Variants in PDPR observed in about 807,000 individuals in gnomAD.
PDPR encodes the protein pyruvate dehydrogenase phosphatase regulatory subunit, mitochondrial.
Under a neutral mutation model 102.2 loss-of-function variants are expected in PDPR, and 50 were observed. The ratio of observed to expected loss-of-function variants is 0.49; its 90% CI spans 0.39 to 0.62. The LOEUF (loss-of-function observed/expected upper bound fraction) is 0.62. Ranked by LOEUF, PDPR falls within the 20% of genes least tolerant of loss-of-function variation. The pLI is 0.00. For synonymous variants in PDPR, 259 were observed against 406.0 expected (o/e 0.64, Z 4.35); for missense variants, 625 against 1,098.2 (o/e 0.57, Z 6.09).
At chr16:70,134,334 T>C (rs1159734102) in intron 9 of PDPR, among the ~76,000 whole-genome samples, 1 of 152,122 alleles carries the variant, frequency 6.6e-6, no homozygotes, top group East Asian at 1.9e-4. Flanking sequence ...CAAGCAATTC[T>C]CCTGCCTCAG....
At position 70,117,163 on chromosome 16, in the gene PDPR, T is replaced by G. The variant is rs549723324; in HGVS notation, c.-33+2233T>G. On this transcript the variant is annotated intron_variant, in intron 2 of 18. Coordinates refer to ENST00000288050, the MANE Select transcript of PDPR (RefSeq NM_017990.5). ...ACCTCATAAGGTTGTGAGGATTAAATTAGTTATATATATAGGCAGTATCTG... is the reference window on the plus strand; with the variant it reads ...ACCTCATAAGGTTGTGAGGATTAAAGTAGTTATATATATAGGCAGTATCTG... 6.8e-5 allele frequency among the ~76,000 whole-genome samples: 10 copies of G among 146,346 alleles called. No individual in the cohort carries two copies. In the South Asian group the frequency reaches 1.9e-3, roughly 28 times the overall value.
Position 70,153,588 on chromosome 16 carries a change from CAGACTCCACTTTCACTCAGCATCCCGAGT to C in PDPR, c.2235+18_2235+46del. On this transcript the variant is annotated intron_variant, in intron 18 of 18. Coordinates refer to ENST00000288050, the MANE Select transcript of PDPR (RefSeq NM_017990.5). Reference sequence around the variant, plus strand: ...AATTAGAGAAGGTACTGTGTTTACCCAGACTCCACTTTCACTCAGCATCCCGAGTAGTGAATCTGCACTAGACTAGGAAG... The same window carrying C: ...AATTAGAGAAGGTACTGTGTTTACCCAGTGAATCTGCACTAGACTAGGAAG... The C allele has an allele frequency of 6.3e-7, 1 of 1,583,816 alleles. No homozygotes were observed. The highest frequency in any genetic ancestry group is 8.6e-7 in the Non-Finnish European group (1 of 1,165,836).
At chr16:70,120,987 G>A (rs1399328854) in intron 3 of PDPR, among the ~76,000 whole-genome samples, 30 of 118,866 alleles carry the variant, frequency 2.5e-4, no homozygotes, top group African/African-American at 9.4e-4. Context: ...ACAGGATCTC[G>A]CTTTCTTACC....
intron 3 of PDPR, among the ~76,000 whole-genome samples, chr16:70,121,490 TAGACC>T (rs1222458590): frequency 7.1e-6 from 1 of 140,648 alleles, no homozygotes; most frequent in Non-Finnish European, 1.6e-5. Context: ...TCAGGAGTTC[TAGACC>T]AGCCTGGCCA....
intron 18 of PDPR, among the ~76,000 whole-genome samples, chr16:70,154,849 G>A (rs1410358340): frequency 6.6e-6 from 1 of 152,240 alleles, no homozygotes; most frequent in Non-Finnish European, 1.5e-5. Flanking sequence ...ACATTGGCCA[G>A]GGTGGTCTCG....
chr16:70,124,271 G>A (rs1409705864), intron 3 of PDPR, among the ~76,000 whole-genome samples: 1 of 152,228 alleles, frequency 6.6e-6, no homozygotes, highest in Non-Finnish European at 1.5e-5. Context: ...GCTGAGGCAG[G>A]AGAATTGCTT....
chr16:70,130,124 C>T (rs1964388189), intron 6 of PDPR, among the ~76,000 whole-genome samples: 2 of 152,240 alleles, frequency 1.3e-5, no homozygotes, highest in Admixed American at 1.3e-4. Context: ...AAAACCCCAT[C>T]TCTATTAAAA....
Position 70,120,706 on chromosome 16 carries a change from T to C in PDPR, c.214T>C (p.Leu72=), listed in dbSNP as rs763405101. The change falls in exon 3 of 19, where the codon TTG becomes CTG. Residue 72 remains leucine (L), a synonymous_variant. Coordinates refer to ENST00000288050, the MANE Select transcript of PDPR (RefSeq NM_017990.5). ...AATGGGGTGGAAGGATATTGTCCTTTTGGAGCAGGGCAGGTAAGGATCAGA... is the reference window on the plus strand; with the variant it reads ...AATGGGGTGGAAGGATATTGTCCTTCTGGAGCAGGGCAGGTAAGGATCAGA... The part of the protein sequence containing the change: ...SKMGWKDIVL[L]EQGRLAAGST... 2 of 1,611,040 alleles carry C rather than the reference T, an allele frequency of 1.2e-6. No homozygotes were observed. The highest frequency in any genetic ancestry group is 2.7e-5 in the African/African-American group (2 of 74,876).
intron 9 of PDPR, among the ~76,000 whole-genome samples, chr16:70,132,658 T>TC (rs759371474): frequency 2.6e-5 from 4 of 151,042 alleles, no homozygotes; most frequent in African/African-American, 7.3e-5. Context: ...TTTTTTTTTT[T>TC]CTTCTTTTTG....
chr16:70,130,620 A>C, intron 7 of PDPR, 76 bp downstream of exon 7: 3 of 1,574,526 alleles, frequency 1.9e-6, no homozygotes, highest in Non-Finnish European at 2.6e-6. Flanking sequence ...AAGTAAGATT[A>C]GTATTGTGAT....
At chr16:70,122,266 C>T (rs865963153) in intron 3 of PDPR, among the ~76,000 whole-genome samples, 23 of 152,374 alleles carry the variant, frequency 1.5e-4, no homozygotes, top group African/African-American at 4.8e-4. Context: ...GGATTACAGG[C>T]GCGAGCCACC....
Position 70,156,528 on chromosome 16 carries a change from G to A in PDPR, c.2289G>A (p.Val763=), listed in dbSNP as rs1410929561. Reference sequence around the variant, plus strand: ...TCCTGCAGCAGAAGCAGAATGGAGTGTATAAACGCCTCACCATGTTCATCC... The same window carrying A: ...TCCTGCAGCAGAAGCAGAATGGAGTATATAAACGCCTCACCATGTTCATCC... ...DALLQQKQNG[V]YKRLTMFILD... Residue 763 remains valine (V), a synonymous_variant, in exon 19 of 19, where the codon GTG becomes GTA. Transcript: ENST00000288050. 1 of 1,614,094 alleles carries A rather than the reference G, an allele frequency of 6.2e-7. No individual in the cohort carries two copies. Among genetic ancestry groups the A allele is most frequent in the Non-Finnish European group, 8.5e-7 (1 of 1,179,904 alleles).
At chr16:70,123,609 T>G (rs1206980888) in intron 3 of PDPR, among the ~76,000 whole-genome samples, 1 of 152,276 alleles carries the variant, frequency 6.6e-6, no homozygotes, top group Non-Finnish European at 1.5e-5. Context: ...TTATCAGGTA[T>G]TTCCACAAAA....
At position 70,128,418 on chromosome 16, in the gene PDPR, G is replaced by A. The variant is rs569656484; in HGVS notation, c.362-366G>A. ...AATTTTTATATTTTTAGTAGAGACA[G>A]GGTTTCACCATGCTGGCCAGGCTGG... On this transcript the variant is annotated intron_variant, in intron 4 of 18. Coordinates refer to ENST00000288050, the MANE Select transcript of PDPR (RefSeq NM_017990.5). Among the ~76,000 whole-genome samples the A allele has an allele frequency of 2.6e-5, 4 of 152,354 alleles. No individual in the cohort carries two copies. In the East Asian group the frequency reaches 7.7e-4, roughly 29 times the overall value.
intron 17 of PDPR, among the ~76,000 whole-genome samples, chr16:70,152,187 A>T (rs1966788914): frequency 6.6e-6 from 1 of 152,276 alleles, no homozygotes; most frequent in South Asian, 2.1e-4. Flanking sequence ...ACCACAGGCG[A>T]GTGTTGCATG....
In PDPR at chr16:70,157,325, T is replaced by G; in HGVS notation, c.*446T>G. Reference sequence around the variant, plus strand: ...TTAGTTCTGGTGGGGTTGCCGTGTGTCGGATGCAGCCCTGAGGGGCAGCTC... The same window carrying G: ...TTAGTTCTGGTGGGGTTGCCGTGTGGCGGATGCAGCCCTGAGGGGCAGCTC... On this transcript the variant is annotated 3_prime_UTR_variant, in exon 19 of 19. Coordinates refer to ENST00000288050, the MANE Select transcript of PDPR (RefSeq NM_017990.5). The G allele has an allele frequency of 2.5e-6, 1 of 401,496 alleles. No individual in the cohort carries two copies. The highest frequency in any genetic ancestry group is 2.9e-5 in the Admixed American group (1 of 34,066). The allele number at this position is 401,496 out of a possible 1,614,324, so 24.9% of individuals were successfully genotyped here.
rs987749456 is a variant in PDPR, at chr16:70,158,954, C to G, written c.*2075C>G. 22 of 152,474 alleles carry G rather than the reference C, an allele frequency of 1.4e-4. No homozygotes were observed. Among genetic ancestry groups the G allele is most frequent in the African/African-American group, 3.8e-4 (16 of 41,604 alleles). The allele number at this position is 152,474 out of a possible 1,614,324, so 9.4% of individuals were successfully genotyped here. A position where few individuals can be genotyped will look rare whatever the true frequency, so the allele number is the denominator to read the frequency against. On this transcript the variant is annotated 3_prime_UTR_variant, in exon 19 of 19. Transcript: ENST00000288050. ...AATTTAGTTACACATAGACATAACTCTTCAACCTTAACTATGGCAATACAT... is the reference window on the plus strand; with the variant it reads ...AATTTAGTTACACATAGACATAACTGTTCAACCTTAACTATGGCAATACAT...
chr16:70,123,165 G>A (rs1963525044), intron 3 of PDPR, among the ~76,000 whole-genome samples: 1 of 152,244 alleles, frequency 6.6e-6, no homozygotes, highest in Non-Finnish European at 1.5e-5. Flanking sequence ...GCCTCCCAAA[G>A]TGCTGGGATT....
intron 6 of PDPR, 110 bp from the exon 7 acceptor site, chr16:70,130,313 A>G: frequency 1.7e-6 from 2 of 1,211,910 alleles, no homozygotes. Flanking sequence ...AAATAAATTA[A>G]AGCATTGACT....
Sources: allele counts gnomAD v4.1 joint callset (sites outside exome capture counted in the v4.1 genomes callset), GRCh38; gene constraint gnomAD v4.1.1; transcripts MANE v1.5; gene names NCBI Gene and HGNC (gene_info 2026-07-23, HGNC 2026-07-21).